The following TRIOBP variants were observed in gnomAD, a reference collection of about 807,000 sequenced individuals.
TRIOBP encodes TRIO and F-actin-binding protein.
A neutral mutation model predicts 238.8 loss-of-function variants in TRIOBP; 169 were observed. The ratio of observed to expected loss-of-function variants is 0.71; its 90% confidence interval spans 0.62 to 0.80. The LOEUF (loss-of-function observed/expected upper bound fraction) is 0.80, where lower values mean the gene tolerates loss of function less well. TRIOBP is among the 30% of genes least tolerant of loss of function. The pLI is 0.00. For synonymous variants in TRIOBP, 1,150 were observed against 1,274.4 expected (o/e 0.90, Z 2.08); for missense variants, 2,838 against 3,122.6 (o/e 0.91, Z 2.17).
At position 37,724,597 on chromosome 22, in the gene TRIOBP, A is replaced by G. The variant is rs573948936; in HGVS notation, c.2041A>G (p.Asn681Asp). The part of the protein sequence containing the change: ...NPRTSCALRD[N>D]PRASSPSRTI... ...CAGAACATCCTGTGCCCTACGGGAC[A>G]ATCCCAGAGCCTCCTCTCCCAGCAG... The change falls in exon 7 of 24, where the codon AAT becomes GAT. Residue 681 changes from asparagine (N) to aspartate (D), a missense_variant. By Grantham distance (23) the Asn-to-Asp change is conservative (BLOSUM62 1). This residue lies in a region of TRIOBP where 167 missense variants were observed against 200.2 expected (regional missense o/e 0.83). Coordinates refer to ENST00000644935, the MANE Select transcript of TRIOBP (RefSeq NM_001039141.3). 3.7e-6 allele frequency: 6 copies of G among 1,610,062 alleles called. No homozygotes were observed. The highest frequency in any genetic ancestry group is 3.3e-5 in the South Asian group (3 of 90,730).
rs549962471 is a variant in TRIOBP, at chr22:37,771,089, A to G, written c.6850-561A>G. Among the ~76,000 whole-genome samples, 17 of 152,340 alleles carry G rather than the reference A, an allele frequency of 1.1e-4. No homozygotes were observed. The South Asian group carries it at 3.3e-3, about 30-fold the overall frequency. ...CTCATCTAATCTTCCTGACAGCTCC[A>G]TACATTAGCTACTATGACTGTCCCC... On this transcript the variant is annotated intron_variant, in intron 21 of 23. Transcript: ENST00000644935.
chr22:37,708,349 G>A (rs997458258), intron 3 of TRIOBP, among the ~76,000 whole-genome samples: 1 of 151,448 alleles, frequency 6.6e-6, no homozygotes, highest in African/African-American at 2.4e-5. Context: ...TCAGGAGTTC[G>A]AGACCAGTCT....
At chr22:37,722,143 A>G (rs1010660433) in intron 6 of TRIOBP, among the ~76,000 whole-genome samples, 1 of 152,128 alleles carries the variant, frequency 6.6e-6, no homozygotes, top group African/African-American at 2.4e-5. Flanking sequence ...CCATCCCTGC[A>G]CCTTTCCTAT....
chr22:37,734,558 C>G lies in TRIOBP; in HGVS notation c.4222C>G (p.Arg1408Gly), dbSNP rs577249547. The G allele has an allele frequency of 6.3e-7, 1 of 1,589,656 alleles. No homozygotes were observed. The highest frequency in any genetic ancestry group is 2.3e-5 in the East Asian group (1 of 43,992). ...AGCCAGGACCCCTGAGAGGGAGCTG[C>G]GGACACAGAGACCTCTGGAGAGTGG... ...TSARTPEREL[R>G]TQRPLESGQA... The change falls in exon 9 of 24, where the codon CGG (arginine) becomes GGG (glycine). Residue 1408 changes from arginine to glycine, a missense_variant. By Grantham distance (125) the Arg-to-Gly change is moderately radical (BLOSUM62 -2). Transcript: ENST00000644935.
Position 37,769,102 on chromosome 22 carries a change from G to A in TRIOBP, c.6650G>A (p.Gly2217Glu), listed in dbSNP as rs370439978. ...EQYSQKCLEI[G>E]ALMRQAEERE... ...TACTCGCAGAAGTGCCTGGAGATTG[G>A]GGCACTCATGCGGCAGGCTGAGGAG... The change falls in exon 20 of 24, where the codon GGG becomes GAG. Residue 2217 changes from glycine to glutamate, a missense_variant. Transcript: ENST00000644935. The A allele has an allele frequency of 9.3e-6, 15 of 1,613,430 alleles. No individual in the cohort carries two copies. Among genetic ancestry groups the A allele is most frequent in the Non-Finnish European group, 1.2e-5 (14 of 1,180,040 alleles).
At position 37,734,614 on chromosome 22, in the gene TRIOBP, G is replaced by T; in HGVS notation, c.4278G>T (p.Val1426=). ...GQAGPRQPLG[V]WQSQEEPPGS... is the part of the protein sequence containing the mutation. ...CAGGCCCAAGACAGCCTCTGGGGGT[G>T]TGGCAGAGTCAGGAGGAACCGCCAG... The change falls in exon 9 of 24, where the codon GTG becomes GTT. Residue 1426 remains valine (V), a synonymous_variant. Coordinates refer to ENST00000644935, the MANE Select transcript of TRIOBP (RefSeq NM_001039141.3). The T allele has an allele frequency of 6.3e-7, 1 of 1,583,458 alleles. No homozygotes were observed. Among genetic ancestry groups the T allele is most frequent in the Non-Finnish European group, 8.6e-7 (1 of 1,165,156 alleles).
At chr22:37,728,119 C>T (rs1924262995) in intron 7 of TRIOBP, among the ~76,000 whole-genome samples, 1 of 152,062 alleles carries the variant, frequency 6.6e-6, no homozygotes, top group Admixed American at 6.6e-5. Flanking sequence ...AAGTTTTCTC[C>T]TGGATTTGAA....
chr22:37,725,390 A>C lies in TRIOBP; in HGVS notation c.2834A>C (p.Asp945Ala). The C allele has an allele frequency of 6.2e-7, 1 of 1,611,752 alleles. No homozygotes were observed. Among genetic ancestry groups the C allele is most frequent in the Non-Finnish European group, 8.5e-7 (1 of 1,178,438 alleles). The change falls in exon 7 of 24, where the codon GAC (aspartate) becomes GCC (alanine). Residue 945 changes from aspartate (D) to alanine (A), a missense_variant. Asp to Ala is a moderately radical substitution (Grantham distance 126, BLOSUM62 -2). This residue lies in a region of TRIOBP where 2,096 missense variants were observed against 2,137.4 expected (regional missense o/e 0.98). Transcript: ENST00000644935. The stretch of plus-strand genomic sequence containing the variant: ...ATCGCCCTCCGGCCAACCCAAGGTG[A>C]CAGGCCTCAGACATCCTCTCCCAGC... ...ASIALRPTQG[D>A]RPQTSSPSRP...
chr22:37,707,331 A>G (rs1027519891), intron 3 of TRIOBP, among the ~76,000 whole-genome samples: 2 of 152,132 alleles, frequency 1.3e-5, no homozygotes, highest in Non-Finnish European at 2.9e-5. Context: ...TGCCTCTTCC[A>G]GCCTCTTCCA....
At chr22:37,702,634 C>CTTTTTTTTTTTTTTTTTT (rs34625454) in intron 3 of TRIOBP, among the ~76,000 whole-genome samples, 7 of 81,202 alleles carry the variant, frequency 8.6e-5, no homozygotes, top group African/African-American at 3.0e-4. Flanking sequence ...TTCTCTCTCT[C>CTTTTTTTTTTTTTTTTTT]TTTTTTTTTT....
rs1308753800 is a variant in TRIOBP at position 37,726,396 on chromosome 22, G to C, written c.3840G>C (p.Arg1280Ser). Reference protein sequence around the residue: ...YTVLADLPPPRRLAQRQPGPQ... With the variant: ...YTVLADLPPPSRLAQRQPGPQ... Reference sequence around the variant, plus strand: ...TGCTGGCCGACCTGCCCCCACCCAGGAGGCTGGCCCAGAGACAGCCAGGGC... The same window carrying C: ...TGCTGGCCGACCTGCCCCCACCCAGCAGGCTGGCCCAGAGACAGCCAGGGC... Residue 1280 changes from arginine (R) to serine (S), a missense_variant, in exon 7 of 24, where the codon AGG becomes AGC. By Grantham distance (110) the Arg-to-Ser change is moderately radical (BLOSUM62 -1). This residue lies in a region of TRIOBP where 2,096 missense variants were observed against 2,137.4 expected (regional missense o/e 0.98). Coordinates refer to ENST00000644935, the MANE Select transcript of TRIOBP (RefSeq NM_001039141.3). 1 of 1,587,132 alleles carries C rather than the reference G, an allele frequency of 6.3e-7. No individual in the cohort carries two copies.
rs1405391201 is a variant in TRIOBP, at chr22:37,733,336, AG to A, written c.3989del (p.Gly1330AspfsTer26). On this transcript the variant is annotated frameshift_variant, in exon 8 of 24. Transcript: ENST00000644935. LOFTEE classifies it high-confidence loss of function. ...EAAGAFQAQD[E>X]GRSQQPSQGQ... ...GCGGGGGCCTTCCAGGCCCAGGACGAGGGACGGTCACAGCAGCCCAGCCAAG... is the reference window on the plus strand; with the variant it reads ...GCGGGGGCCTTCCAGGCCCAGGACGAGGACGGTCACAGCAGCCCAGCCAAG... 1.3e-6 allele frequency: 2 copies of A among 1,551,294 alleles called. No homozygotes were observed. The highest frequency in any genetic ancestry group is 2.7e-5 in the African/African-American group (2 of 73,072).
At chr22:37,730,250 C>G (rs920058022) in intron 7 of TRIOBP, among the ~76,000 whole-genome samples, 1 of 152,108 alleles carries the variant, frequency 6.6e-6, no homozygotes, top group East Asian at 1.9e-4. Flanking sequence ...CCACATCAAC[C>G]CTCGGGAACA....
chr22:37,768,211 A>C, intron 19 of TRIOBP, 35 bp downstream of exon 19: 3 of 1,565,428 alleles, frequency 1.9e-6, no homozygotes, highest in African/African-American at 2.7e-5. Context: ...GCCCACCCTG[A>C]TGGTTATGGG....
In TRIOBP at chr22:37,715,797, C is replaced by A; in HGVS notation, c.491C>A (p.Ala164Asp). Residue 164 changes from alanine (A) to aspartate (D), a missense_variant, in exon 6 of 24, where the codon GCC (alanine) becomes GAC (aspartate). Physicochemically the swap from Ala to Asp is moderately radical, Grantham distance 126. Coordinates refer to ENST00000644935, the MANE Select transcript of TRIOBP (RefSeq NM_001039141.3). ...ACTGTTGAGAGGCAGGAGGAGGAGGCCCCCAGCTGGGACGAGCTCGCAGTG... is the reference window on the plus strand; with the variant it reads ...ACTGTTGAGAGGCAGGAGGAGGAGGACCCCAGCTGGGACGAGCTCGCAGTG... ...WDTVERQEEE[A>D]PSWDELAVMI... is the part of the protein sequence containing the mutation. 6.2e-6 allele frequency: 10 copies of A among 1,614,046 alleles called. No homozygotes were observed. The highest frequency in any genetic ancestry group is 8.5e-6 in the Non-Finnish European group (10 of 1,180,002).
chr22:37,705,571 CTGTTTTGTTTT>C (rs1266389066), intron 3 of TRIOBP, among the ~76,000 whole-genome samples: 1 of 151,410 alleles, frequency 6.6e-6, no homozygotes, highest in African/African-American at 2.4e-5. Flanking sequence ...AGGTTTTTTT[CTGTTTTGTTTT>C]TGTTTTTTTT....
intron 22 of TRIOBP, 92 bp downstream of exon 22, chr22:37,771,828 C>G: frequency 1.8e-6 from 2 of 1,120,402 alleles, no homozygotes; most frequent in Admixed American, 1.9e-5. Context: ...AAGCCCTCCA[C>G]TCGCTTCATC....
intron 4 of TRIOBP, among the ~76,000 whole-genome samples, chr22:37,711,609 C>CAA (rs1194726816): frequency 9.4e-5 from 12 of 128,232 alleles, no homozygotes; most frequent in African/African-American, 3.3e-4. Context: ...AAAAAAAAAA[C>CAA]AAAAAAAAAC....
Position 37,724,687 on chromosome 22 carries a change from C to T in TRIOBP, c.2131C>T (p.Pro711Ser). Residue 711 changes from proline (P) to serine (S), a missense_variant, in exon 7 of 24, where the codon CCT (proline) becomes TCT (serine). Pro to Ser is a moderately conservative substitution (Grantham distance 74). This residue lies in a region of TRIOBP where 167 missense variants were observed against 200.2 expected (regional missense o/e 0.83). Coordinates refer to ENST00000644935, the MANE Select transcript of TRIOBP (RefSeq NM_001039141.3). ...ACGGGACGATCCCAGAGCCTCCTCT[C>T]CTAACAGAACCACCCAACAAGAGAA... ...AQRDDPRASSPNRTTQQENPR... is the reference protein window; with the variant it reads ...AQRDDPRASSSNRTTQQENPR... The T allele has an allele frequency of 2.5e-6, 4 of 1,610,612 alleles. No homozygotes were observed. Among genetic ancestry groups the T allele is most frequent in the Non-Finnish European group, 3.4e-6 (4 of 1,178,014 alleles).
Sources: allele counts gnomAD v4.1 joint callset (sites outside exome capture counted in the v4.1 genomes callset), GRCh38; gene constraint gnomAD v4.1.1; regional missense constraint gnomAD v4.1.1; transcripts MANE v1.5; gene names NCBI Gene and HGNC (gene_info 2026-07-23, HGNC 2026-07-21).